WASF3: variants seen among roughly 807,000 people sequenced by gnomAD.
WASF3 encodes WASP family member 3.
In WASF3, 11 loss-of-function variants were observed where a neutral mutation model predicts 46.6. The ratio of observed to expected loss-of-function variants is 0.24; its 90% CI spans 0.15 to 0.39. The LOEUF (loss-of-function observed/expected upper bound fraction) is 0.39, where lower values mean the gene tolerates loss of function less well. WASF3 is among the 10% of genes least tolerant of loss of function. WASF3 has a pLI of 1.00. For synonymous variants in WASF3, 242 were observed against 259.7 expected (o/e 0.93, Z 0.65); for missense variants, 576 against 669.8 (o/e 0.86, Z 1.55).
At chr13:26,670,091 T>C (rs563599890) in intron 5 of WASF3, among the ~76,000 whole-genome samples, 11 of 152,186 alleles carry the variant, frequency 7.2e-5, no homozygotes, top group Admixed American at 7.2e-4. Context: ...CAATAGCAAA[T>C]ACTTGGAACC....
chr13:26,646,873 A>G (rs867418399), intron 3 of WASF3, among the ~76,000 whole-genome samples: 3 of 152,208 alleles, frequency 2.0e-5, no homozygotes, highest in African/African-American at 7.2e-5. Context: ...GATCATTCTG[A>G]TTCTTGTCAC....
chr13:26,575,869 T>C (rs1306291631), intron 1 of WASF3, among the ~76,000 whole-genome samples: 1 of 152,312 alleles, frequency 6.6e-6, no homozygotes, highest in East Asian at 1.9e-4. Context: ...CTCGAAGATA[T>C]CTTTCATATG....
At chr13:26,544,538 C>T in the WASF3 span, among the ~76,000 whole-genome samples, 7 of 152,186 alleles carry the variant, frequency 4.6e-5, no homozygotes, top group Admixed American at 2.6e-4. Context: ...TCGCAAATCT[C>T]ATCAAAACCC....
chr13:26,613,572 A>G (rs1881043040), intron 2 of WASF3, among the ~76,000 whole-genome samples: 1 of 152,186 alleles, frequency 6.6e-6, no homozygotes. Context: ...GATCGCGACC[A>G]TCCTGGCTAA....
intron 1 of WASF3, among the ~76,000 whole-genome samples, chr13:26,611,297 A>G: frequency 6.6e-6 from 1 of 152,190 alleles, no homozygotes; most frequent in East Asian, 1.9e-4. Flanking sequence ...GCCTGTGAGG[A>G]CTAAGTTAAA....
upstream of WASF3, among the ~76,000 whole-genome samples, chr13:26,553,137 TG>T (rs1441862886): frequency 3.3e-5 from 5 of 152,172 alleles, no homozygotes; most frequent in South Asian, 2.1e-4. Flanking sequence ...CACTGCCCTG[TG>T]GGCCCCGGAC....
chr13:26,577,658 C>G, intron 1 of WASF3: 2 of 1,178,986 alleles, frequency 1.7e-6, no homozygotes, highest in East Asian at 2.3e-5. Flanking sequence ...ATATGAACCA[C>G]CAGTCCAAGA....
At chr13:26,616,621 A>G (rs1028743772) in intron 2 of WASF3, among the ~76,000 whole-genome samples, 1 of 151,718 alleles carries the variant, frequency 6.6e-6, no homozygotes, top group Non-Finnish European at 1.5e-5. Context: ...TATTTTTTGC[A>G]CTTTCCCCAA....
chr13:26,550,391 A>G, the WASF3 span, among the ~76,000 whole-genome samples: 1 of 152,144 alleles, frequency 6.6e-6, no homozygotes, highest in African/African-American at 2.4e-5. Flanking sequence ...TCAGGTGCTG[A>G]AGGGAACAGA....
At chr13:26,561,841 A>G (rs1879304556) in intron 1 of WASF3, among the ~76,000 whole-genome samples, 1 of 152,206 alleles carries the variant, frequency 6.6e-6, no homozygotes, top group African/African-American at 2.4e-5. Context: ...GTAGAAAAGG[A>G]AATGAGGGAG....
At chr13:26,610,463 G>T (rs1458556078) in intron 1 of WASF3, among the ~76,000 whole-genome samples, 1 of 152,180 alleles carries the variant, frequency 6.6e-6, no homozygotes, top group Non-Finnish European at 1.5e-5. Flanking sequence ...TTACCAGGGG[G>T]AGGGGCAGGC....
At chr13:26,582,270 C>A (rs1880001354) in intron 1 of WASF3, among the ~76,000 whole-genome samples, 1 of 152,122 alleles carries the variant, frequency 6.6e-6, no homozygotes, top group African/African-American at 2.4e-5. Context: ...AGGTCAGGAG[C>A]AGGGGCTTTG....
intron 1 of WASF3, among the ~76,000 whole-genome samples, chr13:26,558,606 C>T (rs552759821): frequency 5.3e-4 from 81 of 152,268 alleles, no homozygotes; most frequent in African/African-American, 1.9e-3. Context: ...TGATTTGGCC[C>T]CTCTGCAAGG....
intron 1 of WASF3, among the ~76,000 whole-genome samples, chr13:26,581,190 C>G (rs528455507): frequency 6.6e-6 from 1 of 152,122 alleles, no homozygotes; most frequent in South Asian, 2.1e-4. Flanking sequence ...TCTTGGCCTC[C>G]CAAAATGCTG....
chr13:26,615,980 T>C (rs1361492468), intron 2 of WASF3, among the ~76,000 whole-genome samples: 3 of 151,316 alleles, frequency 2.0e-5, no homozygotes, highest in Non-Finnish European at 4.4e-5. Context: ...AGTACCTCAC[T>C]GTATGGATGT....
At chr13:26,677,157 A>G (rs1403078813) in intron 7 of WASF3, among the ~76,000 whole-genome samples, 2 of 152,188 alleles carry the variant, frequency 1.3e-5, no homozygotes, top group East Asian at 3.9e-4. Context: ...TCCTTTAGTA[A>G]CCCTTTGAAA....
rs895881038 is a variant in WASF3 at position 26,679,976 on chromosome 13, C to T, written c.717-1078C>T. 29 of 1,547,782 alleles carry T rather than the reference C, an allele frequency of 1.9e-5. 1 individual carries two copies. The highest frequency in any genetic ancestry group is 2.3e-5 in the Non-Finnish European group (27 of 1,152,354). ...AACTGGAATCCCAAAGATGGAAATG[C>T]AGCGTGCATCTTCCCTGCTCCCTCA... On this transcript the variant is annotated intron_variant, in intron 7 of 9. Transcript: ENST00000335327. This position sits in a 1 kb window ranked among gnomAD's most constrained non-coding sequence, Gnocchi z 4.8.
chr13:26,560,897 G>T (rs1879274679), intron 1 of WASF3, among the ~76,000 whole-genome samples: 1 of 152,204 alleles, frequency 6.6e-6, no homozygotes, highest in South Asian at 2.1e-4. Context: ...AGAGCTCAGA[G>T]GAGGACCATA....
At chr13:26,574,124 G>A (rs1302753315) in intron 1 of WASF3, among the ~76,000 whole-genome samples, 5 of 152,052 alleles carry the variant, frequency 3.3e-5, no homozygotes, top group Non-Finnish European at 7.4e-5. Flanking sequence ...TCCATTTTAT[G>A]AACATAGTAA....
Sources: gnomAD v4.1 joint callset for allele counts (sites outside exome capture counted in the v4.1 genomes callset) on GRCh38, gnomAD v4.1.1 for gene constraint, Gnocchi (gnomAD v3.1) non-coding constraint, MANE v1.5 for transcripts, NCBI Gene and HGNC (gene_info 2026-07-23, HGNC 2026-07-21) for gene names.